The following THEMIS2 variants were observed in gnomAD, a reference collection of about 807,000 sequenced individuals.
THEMIS2 encodes protein THEMIS2.
A neutral mutation model predicts 46.8 loss-of-function variants in THEMIS2; 29 were observed. That is an observed-to-expected ratio of 0.62 (90% CI 0.46 to 0.84). The LOEUF (loss-of-function observed/expected upper bound fraction) is 0.84. Among genes scored for constraint, THEMIS2 ranks in the 40% least tolerant of loss-of-function variants. The probability of loss-of-function intolerance (pLI) is 0.00; values close to 1 mark genes in which losing one functional copy is unlikely to be tolerated. For missense variants in THEMIS2, 698 were observed against 834.7 expected (o/e 0.84, Z 2.02); for synonymous variants, 335 against 349.1 (o/e 0.96, Z 0.45).
intron 1 of THEMIS2, among the ~76,000 whole-genome samples, chr1:27,875,515 C>G (rs952474688): frequency 3.3e-5 from 5 of 152,034 alleles, no homozygotes; most frequent in African/African-American, 1.2e-4. Flanking sequence ...TTTCTCAGGG[C>G]TGATGTTGGA....
intron 1 of THEMIS2, among the ~76,000 whole-genome samples, chr1:27,875,796 G>A (rs940383039): frequency 6.6e-6 from 1 of 152,044 alleles, no homozygotes; most frequent in Non-Finnish European, 1.5e-5. Context: ...CGCCTCCCGG[G>A]TTCACGCCAT....
In THEMIS2 at chr1:27,879,723, G is replaced by A; in HGVS notation, c.315G>A (p.Lys105=). Residue 105 remains lysine, a synonymous_variant, in exon 3 of 6, where the codon AAG becomes AAA. Coordinates refer to ENST00000373921, the MANE Select transcript of THEMIS2 (RefSeq NM_001105556.3). ...ELVSATTQSS[K]QLPTCFMSTH... ...TCTCTGCCACAACTCAGAGCTCCAAGCAGCTGCCCACTTGCTTCATGTCGA... is the reference window on the plus strand; with the variant it reads ...TCTCTGCCACAACTCAGAGCTCCAAACAGCTGCCCACTTGCTTCATGTCGA... 1 of 1,614,050 alleles carries A rather than the reference G, an allele frequency of 6.2e-7. No individual in the cohort carries two copies. Among genetic ancestry groups the A allele is most frequent in the East Asian group, 2.2e-5 (1 of 44,860 alleles).
chr1:27,881,862 A>C lies in THEMIS2; in HGVS notation c.647-109A>C, dbSNP rs575423768. 6.2e-6 allele frequency: 5 copies of C among 808,994 alleles called. No individual in the cohort carries two copies. The African/African-American group carries it at 7.0e-5, about 11-fold the overall frequency. The allele number at this position is 808,994 out of a possible 1,614,324, so 50.1% of individuals were successfully genotyped here. A position where few individuals can be genotyped will look rare whatever the true frequency, so the allele number is the denominator to read the frequency against. On this transcript the variant is annotated intron_variant, in intron 3 of 5. Transcript: ENST00000373921. ...CATCTCAAAAAAAAAAAAAGAAAGA[A>C]AAGACAGCAGCGGGAGGGAGGCCAG...
At chr1:27,880,618 C>T (rs538970567) in intron 3 of THEMIS2, among the ~76,000 whole-genome samples, 17 of 152,336 alleles carry the variant, frequency 1.1e-4, no homozygotes, top group African/African-American at 4.1e-4. Context: ...GCAAGACCCC[C>T]ATCTCTACAA....
intron 1 of THEMIS2, among the ~76,000 whole-genome samples, chr1:27,874,412 G>A (rs1209135481): frequency 3.3e-5 from 5 of 151,884 alleles, no homozygotes; most frequent in African/African-American, 7.3e-5. Flanking sequence ...AGGCTGAGGT[G>A]GGAAGATTGC....
intron 1 of THEMIS2, among the ~76,000 whole-genome samples, chr1:27,875,476 C>T (rs61789661): frequency 0.066 from 10,068 of 152,184 alleles, 391 homozygotes; most frequent in Admixed American, 0.091. Context: ...GGGCATTTTC[C>T]TGGCAGTACG....
At chr1:27,878,494 C>T in intron 2 of THEMIS2, among the ~76,000 whole-genome samples, 1 of 2,292 alleles carries the variant, frequency 4.4e-4, no homozygotes. Flanking sequence ...CAAAAACGGC[C>T]TCAGGTTTCC....
chr1:27,877,512 A>T (rs1438018420), intron 2 of THEMIS2, among the ~76,000 whole-genome samples: 1 of 152,022 alleles, frequency 6.6e-6, no homozygotes, highest in African/African-American at 2.4e-5. Flanking sequence ...TATTTTTAGT[A>T]GAGACAAAGT....
rs777796979 is a variant in THEMIS2 at position 27,876,710 on chromosome 1, C to T, written c.217C>T (p.Leu73Phe). 4 of 1,613,866 alleles carry T rather than the reference C, an allele frequency of 2.5e-6. No individual in the cohort carries two copies. Among genetic ancestry groups the T allele is most frequent in the Non-Finnish European group, 3.4e-6 (4 of 1,179,950 alleles). ...ENPKTSQTMELAPNFQGYFTP... is the reference protein window; with the variant it reads ...ENPKTSQTMEFAPNFQGYFTP... Reference sequence around the variant, plus strand: ...CCCGAAGACCAGCCAGACCATGGAGCTCGCCCCCAACTTCCAGGGTAAGGT... The same window carrying T: ...CCCGAAGACCAGCCAGACCATGGAGTTCGCCCCCAACTTCCAGGGTAAGGT... Residue 73 changes from leucine (L) to phenylalanine (F), a missense_variant, in exon 2 of 6, where the codon CTC (leucine) becomes TTC (phenylalanine). Leu to Phe is a conservative substitution (Grantham distance 22). Transcript: ENST00000373921.
Position 27,882,174 on chromosome 1 carries a change from C to G in THEMIS2, c.850C>G (p.Gln284Glu). ...IFLSPWVGSL[Q>E]KGQRLCVYGL... ...CCTCAGCCCGTGGGTGGGCTCCTTGCAAAAAGGCCAGAGGCTTTGCGTCTA... is the reference window on the plus strand; with the variant it reads ...CCTCAGCCCGTGGGTGGGCTCCTTGGAAAAAGGCCAGAGGCTTTGCGTCTA... The change falls in exon 4 of 6, where the codon CAA becomes GAA. Residue 284 changes from glutamine (Q) to glutamate (E), a missense_variant. Gln to Glu is a conservative substitution (Grantham distance 29). Coordinates refer to ENST00000373921, the MANE Select transcript of THEMIS2 (RefSeq NM_001105556.3). This position sits in a 1 kb window ranked among gnomAD's most constrained non-coding sequence, Gnocchi z 7.6. The G allele has an allele frequency of 6.2e-7, 1 of 1,613,420 alleles. No individual in the cohort carries two copies.
chr1:27,873,475 T>C (rs1284771447), intron 1 of THEMIS2, among the ~76,000 whole-genome samples: 7 of 151,920 alleles, frequency 4.6e-5, no homozygotes, highest in Non-Finnish European at 1.0e-4. Context: ...GTTCCTTCCT[T>C]AGAGAGCGAA....
At chr1:27,873,007 G>T (rs530813538) in intron 1 of THEMIS2, among the ~76,000 whole-genome samples, 1 of 152,284 alleles carries the variant, frequency 6.6e-6, no homozygotes, top group East Asian at 1.9e-4. Context: ...GCTGGTGGTC[G>T]TGGCTGCGTC....
At position 27,885,305 on chromosome 1, in the gene THEMIS2, T is replaced by A. The variant is rs1357253647; in HGVS notation, c.1730T>A (p.Val577Asp). 1.9e-6 allele frequency: 3 copies of A among 1,613,890 alleles called. No homozygotes were observed. The highest frequency in any genetic ancestry group is 1.6e-4 in the Middle Eastern group (1 of 6,084). The change falls in exon 5 of 6, where the codon GTC becomes GAC. Residue 577 changes from valine to aspartate, a missense_variant. Transcript: ENST00000373921. ...CTTTTTCTCCCAAAGTCTTCTCAAGTCTTAGGATTGCAGCAACACGCTCGG... is the reference window on the plus strand; with the variant it reads ...CTTTTTCTCCCAAAGTCTTCTCAAGACTTAGGATTGCAGCAACACGCTCGG... Reference protein sequence around the residue: ...SSEGGVKSSQVLGLQQHARLP... With the variant: ...SSEGGVKSSQDLGLQQHARLP...
At position 27,876,721 on chromosome 1, in the gene THEMIS2, C is replaced by A; in HGVS notation, c.228C>A (p.Asn76Lys). The A allele has an allele frequency of 1.2e-6, 2 of 1,613,826 alleles. No homozygotes were observed. The highest frequency in any genetic ancestry group is 1.7e-6 in the Non-Finnish European group (2 of 1,179,932). The stretch of plus-strand genomic sequence containing the variant: ...GCCAGACCATGGAGCTCGCCCCCAA[C>A]TTCCAGGGTAAGGTGGGCACCTCTG... ...KTSQTMELAPNFQGYFTPLNT... is the reference protein window; with the variant it reads ...KTSQTMELAPKFQGYFTPLNT... Residue 76 changes from asparagine (N) to lysine (K), a missense_variant, in exon 2 of 6, where the codon AAC (asparagine) becomes AAA (lysine). Transcript: ENST00000373921.
chr1:27,879,842 G>C lies in THEMIS2; in HGVS notation c.434G>C (p.Arg145Pro), dbSNP rs774829838. 2 of 1,613,078 alleles carry C rather than the reference G, an allele frequency of 1.2e-6. No homozygotes were observed. The highest frequency in any genetic ancestry group is 1.7e-6 in the Non-Finnish European group (2 of 1,179,164). The change falls in exon 3 of 6, where the codon CGC becomes CCC. Residue 145 changes from arginine to proline, a missense_variant. Coordinates refer to ENST00000373921, the MANE Select transcript of THEMIS2 (RefSeq NM_001105556.3). ...VVMHLGIRSA[R>P]CVLGMEGQQV... ...ATGCACCTCGGGATCCGCTCTGCCC[G>C]CTGTGTCCTGGGCATGGAGGGTCAG...
chr1:27,875,254 C>T (rs554873766), intron 1 of THEMIS2, among the ~76,000 whole-genome samples: 13 of 152,362 alleles, frequency 8.5e-5, no homozygotes, highest in African/African-American at 3.1e-4. Context: ...GCTGGGATTA[C>T]AGGCATGAGC....
In THEMIS2 at chr1:27,872,745, C is replaced by T; in HGVS notation, c.94+80C>T. On this transcript the variant is annotated intron_variant, in intron 1 of 5. Transcript: ENST00000373921. The surrounding 1 kb of genome is among the most constrained non-coding windows in gnomAD (Gnocchi z 4.9). ...AGACCCGGAGAAGACGTTAGCAATC[C>T]GGGGAAACTGCCCCTGGGTTCAAAT... is the stretch of plus-strand genomic sequence containing the variant. 2 of 1,132,130 alleles carry T rather than the reference C, an allele frequency of 1.8e-6. No homozygotes were observed. Among genetic ancestry groups the T allele is most frequent in the South Asian group, 3.1e-5 (1 of 31,834 alleles). 70.1% of individuals were successfully genotyped at this position (1,132,130 alleles called of 1,614,324 possible).
At chr1:27,876,871 C>T (rs937591981) in intron 2 of THEMIS2, 143 bp downstream of exon 2, 10 of 1,056,316 alleles carry the variant, frequency 9.5e-6, no homozygotes, top group Non-Finnish European at 1.1e-5. Flanking sequence ...CACAACCCAG[C>T]CTCAAGGGTG....
In THEMIS2 at chr1:27,879,793, C is replaced by T. The variant is rs758061218; in HGVS notation, c.385C>T (p.Leu129Phe). ...GGGCAGGGTGGTGACTGAGGACCAG[C>T]TCCTCATGCTTGAGGCTGTGGTGAT... ...TEGRVVTEDQLLMLEAVVMHL... is the reference protein window; with the variant it reads ...TEGRVVTEDQFLMLEAVVMHL... Residue 129 changes from leucine (L) to phenylalanine (F), a missense_variant, in exon 3 of 6, where the codon CTC becomes TTC. By Grantham distance (22) the Leu-to-Phe change is conservative. Transcript: ENST00000373921. 4 of 1,614,124 alleles carry T rather than the reference C, an allele frequency of 2.5e-6. No homozygotes were observed. The South Asian group carries it at 4.4e-5, about 18-fold the overall frequency.
Sources: allele counts gnomAD v4.1 joint callset (sites outside exome capture counted in the v4.1 genomes callset), GRCh38; gene constraint gnomAD v4.1.1; non-coding constraint Gnocchi (gnomAD v3.1); transcripts MANE v1.5; gene names NCBI Gene and HGNC (gene_info 2026-07-23, HGNC 2026-07-21).